CCDC180: variants seen among roughly 807,000 people sequenced by gnomAD.
The protein encoded by CCDC180 is coiled-coil domain-containing protein 180.
In CCDC180, 154 loss-of-function variants were observed where a neutral mutation model predicts 209.2. The observed-to-expected ratio is 0.74, with a 90% CI of 0.65 to 0.84. CCDC180 has a LOEUF of 0.84. CCDC180 is among the 40% of genes least tolerant of loss of function. The probability of loss-of-function intolerance (pLI) is 0.00; values close to 1 mark genes in which losing one functional copy is unlikely to be tolerated. For synonymous variants in CCDC180, 778 were observed against 749.1 expected, an observed-to-expected ratio of 1.04 and a Z score of -0.63; for missense variants, 1,874 against 1,997.3, an observed-to-expected ratio of 0.94 and a Z score of 1.18.
chr9:97,357,826 A>G, intron 25 of CCDC180, 101 bp downstream of exon 25: 2 of 968,494 alleles, frequency 2.1e-6, no homozygotes, highest in Non-Finnish European at 3.1e-6. Flanking sequence ...TTTCTCCAGC[A>G]CAAGGTTGGC....
At chr9:97,367,388 G>C (rs561712307) in intron 31 of CCDC180, among the ~76,000 whole-genome samples, 1 of 152,078 alleles carries the variant, frequency 6.6e-6, no homozygotes, top group South Asian at 2.1e-4. Context: ...GCCAGAACTG[G>C]GCCAGGACCC....
intron 29 of CCDC180, 30 bp from the exon 30 acceptor site, chr9:97,365,643 C>T (rs1464809380): frequency 6.2e-7 from 1 of 1,604,618 alleles, no homozygotes; most frequent in South Asian, 1.1e-5. Flanking sequence ...AGACCAGGCC[C>T]CTCAGGGATC....
In CCDC180 at chr9:97,331,023, A is replaced by G. The variant is rs1222909553; in HGVS notation, c.2274+256A>G. ...TTACAGATAATTTTGTCAGCGGGCT[A>G]ATAAGCATAGTACCCAATAGTTGTT... On this transcript the variant is annotated intron_variant, in intron 18 of 36. Transcript: ENST00000529487. 2.0e-5 allele frequency among the ~76,000 whole-genome samples: 3 copies of G among 152,080 alleles called. No individual in the cohort carries two copies. In the East Asian group the frequency reaches 5.8e-4, roughly 29 times the overall value.
At chr9:97,329,955 C>G (rs529425889) in intron 16 of CCDC180, among the ~76,000 whole-genome samples, 199 bp from the exon 17 acceptor site, 3 of 151,462 alleles carry the variant, frequency 2.0e-5, no homozygotes, top group Non-Finnish European at 4.4e-5. Flanking sequence ...ATAGTCCCAG[C>G]TACTCGGGAG....
rs562039438 is a variant in CCDC180 at position 97,374,607 on chromosome 9, G to A, written c.4665G>A (p.Leu1555=). ...LIRRKLAGLS[L]KEESEKPLIE... ...GAAGGAAACTCGCTGGGCTCTCCCT[G>A]AAGGAAGAGAGTGAGAAACCCCTGA... The change falls in exon 35 of 37, where the codon CTG becomes CTA. Residue 1555 remains leucine (L), a synonymous_variant. Transcript: ENST00000529487. 28 of 1,614,166 alleles carry A rather than the reference G, an allele frequency of 1.7e-5. No homozygotes were observed. The African/African-American group carries it at 3.3e-4, about 19-fold the overall frequency.
intron 14 of CCDC180, 124 bp downstream of exon 14, chr9:97,325,316 C>T (rs1309947939): frequency 3.0e-6 from 3 of 1,012,372 alleles, no homozygotes; most frequent in Admixed American, 5.2e-5. Context: ...TTGAGGCTCA[C>T]GTTGGTCATG....
rs193241783 is a variant in CCDC180 at position 97,370,900 on chromosome 9, T to C, written c.4488+122T>C. The C allele has an allele frequency of 5.6e-3, 5,808 of 1,034,590 alleles. 25 individuals are homozygous for C. The highest frequency in any genetic ancestry group is 6.8e-3 in the Non-Finnish European group (4,986 of 728,136). The allele number at this position is 1,034,590 out of a possible 1,614,324, so 64.1% of individuals were successfully genotyped here. A position where few individuals can be genotyped will look rare whatever the true frequency, so the allele number is the denominator to read the frequency against. On this transcript the variant is annotated intron_variant, in intron 33 of 36. Coordinates refer to ENST00000529487, the MANE Select transcript of CCDC180 (RefSeq NM_020893.6). ...TTGCCCAAAGCAGGCATGATCGTGGTTGGGTTTTGTAGGTAAAAATGGCCA... is the reference window on the plus strand; with the variant it reads ...TTGCCCAAAGCAGGCATGATCGTGGCTGGGTTTTGTAGGTAAAAATGGCCA...
chr9:97,369,755 T>G, intron 31 of CCDC180, 167 bp from the exon 32 acceptor site: 1 of 653,984 alleles, frequency 1.5e-6, no homozygotes, highest in Non-Finnish European at 2.6e-6. Flanking sequence ...CTGTATTTTC[T>G]ATACTGGTTT....
rs1408540733 is a variant in CCDC180, at chr9:97,378,158, A to C, written c.*1264A>C. 4 of 152,140 alleles carry C rather than the reference A, an allele frequency of 2.6e-5. No individual in the cohort carries two copies. The highest frequency in any genetic ancestry group is 5.9e-5 in the Non-Finnish European group (4 of 68,032). 9.4% of individuals were successfully genotyped at this position (152,140 alleles called of 1,614,324 possible). A position where few individuals can be genotyped will look rare whatever the true frequency, so the allele number is the denominator to read the frequency against. ...CAGTGAGCCAAGATCATGCCACTTCACTCTGGCCTGAGCAACAGAATGAGA... is the reference window on the plus strand; with the variant it reads ...CAGTGAGCCAAGATCATGCCACTTCCCTCTGGCCTGAGCAACAGAATGAGA... On this transcript the variant is annotated 3_prime_UTR_variant, in exon 37 of 37. Coordinates refer to ENST00000529487, the MANE Select transcript of CCDC180 (RefSeq NM_020893.6).
At chr9:97,313,734 G>C (rs918843630) in intron 5 of CCDC180, among the ~76,000 whole-genome samples, 3 of 152,178 alleles carry the variant, frequency 2.0e-5, no homozygotes, top group African/African-American at 7.2e-5. Context: ...TGATAGCCCA[G>C]CTCTGCTGGG....
rs375847345 is a variant in CCDC180 at position 97,326,574 on chromosome 9, T to C, written c.1566T>C (p.Asp522=). 8.1e-6 allele frequency: 13 copies of C among 1,613,242 alleles called. No homozygotes were observed. Among genetic ancestry groups the C allele is most frequent in the Non-Finnish European group, 1.1e-5 (13 of 1,179,318 alleles). Residue 522 remains aspartate (D), a synonymous_variant, in exon 15 of 37, where the codon GAT becomes GAC. Transcript: ENST00000529487. ...TCCAGGTGCAGGAGGCCCACCTCGA[T>C]AGGCTCTTGGACCAACTGAGGCAGC... ...LESQVQEAHL[D]RLLDQLRQQS...
intron 18 of CCDC180, among the ~76,000 whole-genome samples, chr9:97,337,622 CT>C (rs1340539152): frequency 6.6e-6 from 1 of 152,058 alleles, no homozygotes; most frequent in African/African-American, 2.4e-5. Context: ...GTCTAAAATT[CT>C]CTTTTTTTGT....
intron 20 of CCDC180, 96 bp from the exon 21 acceptor site, chr9:97,349,015 G>A: frequency 2.6e-6 from 3 of 1,149,298 alleles, no homozygotes; most frequent in Middle Eastern, 2.9e-4. Flanking sequence ...TCTGCAGCTG[G>A]CCTGGAAGAG....
chr9:97,370,036 T>A lies in CCDC180; in HGVS notation c.4304T>A (p.Ile1435Asn). ...WKKFFTSVKE[I>N]RGQFEEQQKR... The stretch of plus-strand genomic sequence containing the variant: ...AAGTTTTTCACCTCTGTGAAGGAGA[T>A]CCGAGGACAGTTCGAGGAACAGCAG... Residue 1435 changes from isoleucine (I) to asparagine (N), a missense_variant, in exon 32 of 37, where the codon ATC becomes AAC. Physicochemically the swap from Ile to Asn is moderately radical, Grantham distance 149. Coordinates refer to ENST00000529487, the MANE Select transcript of CCDC180 (RefSeq NM_020893.6). 3 of 1,614,062 alleles carry A rather than the reference T, an allele frequency of 1.9e-6. No individual in the cohort carries two copies. The highest frequency in any genetic ancestry group is 2.2e-5 in the East Asian group (1 of 44,880).
rs116510500 is a variant in CCDC180, at chr9:97,377,836, T to C, written c.*942T>C. ...ATGTGCTACCTTTCATTGCTTATTA[T>C]TCCGAAAGGAATATATGCGCATTGT... On this transcript the variant is annotated 3_prime_UTR_variant, in exon 37 of 37. Transcript: ENST00000529487. 1 of 150,682 alleles carries C rather than the reference T, an allele frequency of 6.6e-6. No individual in the cohort carries two copies. Among genetic ancestry groups the C allele is most frequent in the African/African-American group, 2.4e-5 (1 of 41,102 alleles). The allele number at this position is 150,682 out of a possible 1,614,324, so 9.3% of individuals were successfully genotyped here.
At position 97,320,023 on chromosome 9, in the gene CCDC180, A is replaced by C. The variant is rs548626218; in HGVS notation, c.1080-103A>C. 6.7e-6 allele frequency: 6 copies of C among 900,274 alleles called. No homozygotes were observed. The South Asian group carries it at 8.1e-5, about 12-fold the overall frequency. The allele number at this position is 900,274 out of a possible 1,614,324, so 55.8% of individuals were successfully genotyped here. On this transcript the variant is annotated intron_variant, in intron 10 of 36. Transcript: ENST00000529487. Reference sequence around the variant, plus strand: ...CAGTTCCCTTTGTTCTTCAGTGTTTAAATCCATGATTTTCTGGAGCTATGT... The same window carrying C: ...CAGTTCCCTTTGTTCTTCAGTGTTTCAATCCATGATTTTCTGGAGCTATGT...
chr9:97,314,724 A>C lies in CCDC180; in HGVS notation c.695A>C (p.Asp232Ala). The C allele has an allele frequency of 2.5e-6, 4 of 1,613,672 alleles. No individual in the cohort carries two copies. Among genetic ancestry groups the C allele is most frequent in the Non-Finnish European group, 3.4e-6 (4 of 1,179,782 alleles). ...ALHSLEFSRT[D>A]KLKSVLKKYA... The stretch of plus-strand genomic sequence containing the variant: ...CACTCGCTGGAGTTCTCCCGAACCG[A>C]TAAAGTAAGTCGGCTGCAGGTGGGC... The change falls in exon 7 of 37, where the codon GAT becomes GCT. Residue 232 changes from aspartate to alanine, a missense_variant. By Grantham distance (126) the Asp-to-Ala change is moderately radical. Coordinates refer to ENST00000529487, the MANE Select transcript of CCDC180 (RefSeq NM_020893.6).
chr9:97,313,341 G>A lies in CCDC180; in HGVS notation c.455G>A (p.Gly152Glu), dbSNP rs756237803. The A allele has an allele frequency of 6.2e-7, 1 of 1,604,980 alleles. No homozygotes were observed. Among genetic ancestry groups the A allele is most frequent in the South Asian group, 1.1e-5 (1 of 90,796 alleles). ...TTTCAGGAGGAGATTGCGCAGGTGG[G>A]AAAGGTGAGAATCCTCCCTCTCCCT... ...ASFQEEIAQV[G>E]KEMEPLIVDT... The change falls in exon 5 of 37, where the codon GGA (glycine) becomes GAA (glutamate). Residue 152 changes from glycine to glutamate, a missense_variant. Coordinates refer to ENST00000529487, the MANE Select transcript of CCDC180 (RefSeq NM_020893.6).
At position 97,342,380 on chromosome 9, in the gene CCDC180, A is replaced by G. The variant is rs147575093; in HGVS notation, c.2275-960A>G. ...TGTTTCCCAGGCTGGTCTCAAACTC[A>G]TGACCTCAAATGATCTGCCGCCTCA... On this transcript the variant is annotated intron_variant, in intron 18 of 36. Transcript: ENST00000529487. Among the ~76,000 whole-genome samples the G allele has an allele frequency of 2.9e-4, 43 of 147,776 alleles. No homozygotes were observed. The East Asian group carries it at 7.3e-3, about 25-fold the overall frequency.
Sources: gnomAD v4.1 joint callset for allele counts (sites outside exome capture counted in the v4.1 genomes callset) on GRCh38, gnomAD v4.1.1 for gene constraint, MANE v1.5 for transcripts, NCBI Gene and HGNC (gene_info 2026-07-23, HGNC 2026-07-21) for gene names.